Variants in SMYD3 observed in about 807,000 individuals in gnomAD.
SMYD3 encodes histone-lysine N-methyltransferase SMYD3.
Under a neutral mutation model 57.7 loss-of-function variants are expected in SMYD3, and 36 were observed. The observed-to-expected ratio is 0.62, with a 90% CI of 0.48 to 0.82. SMYD3 has a LOEUF of 0.82. Ranked by LOEUF, SMYD3 falls within the 40% of genes least tolerant of loss-of-function variation. SMYD3 has a pLI of 0.00. For synonymous variants in SMYD3, 211 were observed against 195.0 expected (o/e 1.08, Z -0.68); for missense variants, 515 against 538.8 (o/e 0.96, Z 0.44).
chr1:246,221,714 G>A (rs1003932590), intron 5 of SMYD3, among the ~76,000 whole-genome samples: 29 of 152,186 alleles, frequency 1.9e-4, no homozygotes, highest in Admixed American at 5.9e-4. Context: ...GTGTCTGACC[G>A]CACAGTGGGC....
intron 5 of SMYD3, among the ~76,000 whole-genome samples, chr1:245,985,211 G>A (rs943715626): frequency 6.6e-6 from 1 of 152,040 alleles, no homozygotes; most frequent in Non-Finnish European, 1.5e-5. Flanking sequence ...ACCTGTCCTT[G>A]GCTCTCGTCT....
chr1:246,205,923 A>G (rs1000593551), intron 5 of SMYD3, among the ~76,000 whole-genome samples: 2 of 152,146 alleles, frequency 1.3e-5, no homozygotes, highest in African/African-American at 4.8e-5. Context: ...TCATATGTAA[A>G]GTGGGGATCA....
intron 5 of SMYD3, among the ~76,000 whole-genome samples, chr1:246,112,054 C>G (rs983011704): frequency 1.3e-5 from 2 of 152,200 alleles, no homozygotes; most frequent in Non-Finnish European, 2.9e-5. Context: ...AAAGATTTCT[C>G]AAGAGCCACC....
chr1:246,137,477 G>A (rs1206705858), intron 5 of SMYD3, among the ~76,000 whole-genome samples: 6 of 152,144 alleles, frequency 3.9e-5, no homozygotes, highest in East Asian at 1.9e-4. Flanking sequence ...CACCTGATGC[G>A]ACATTTTTAC....
intron 5 of SMYD3, among the ~76,000 whole-genome samples, chr1:246,056,730 G>A (rs1250043152): frequency 6.6e-6 from 1 of 151,424 alleles, no homozygotes; most frequent in African/African-American, 2.4e-5. Context: ...TACATGTATC[G>A]AAATATCACT....
At chr1:246,302,245 A>C (rs945465170) in intron 5 of SMYD3, among the ~76,000 whole-genome samples, 2 of 152,180 alleles carry the variant, frequency 1.3e-5, no homozygotes, top group Non-Finnish European at 2.9e-5. Context: ...AAAGGCTATC[A>C]GAGAATCGAA....
intron 1 of SMYD3, among the ~76,000 whole-genome samples, chr1:246,487,963 G>T (rs1218324046): frequency 6.6e-6 from 1 of 152,092 alleles, no homozygotes; most frequent in Non-Finnish European, 1.5e-5. Context: ...CAAAGTGCTG[G>T]GATTACAGGT....
intron 10 of SMYD3, among the ~76,000 whole-genome samples, chr1:245,824,724 T>C (rs972579787): frequency 1.3e-5 from 2 of 151,964 alleles, no homozygotes; most frequent in African/African-American, 2.4e-5. Flanking sequence ...GGTGTGGTGG[T>C]GCATGCCTGT....
intron 1 of SMYD3, among the ~76,000 whole-genome samples, chr1:246,361,948 AAAAAAGAAAAAG>A (rs2065994920): frequency 2.0e-5 from 3 of 152,278 alleles, no homozygotes; most frequent in Admixed American, 2.0e-4. Flanking sequence ...TATTGAAATT[AAAAAAGAAAAAG>A]AATCTCAGAG....
At chr1:246,390,586 T>C (rs1173120978) in intron 1 of SMYD3, among the ~76,000 whole-genome samples, 4 of 152,260 alleles carry the variant, frequency 2.6e-5, no homozygotes. Flanking sequence ...GTCACATATA[T>C]AATTTTTAAT....
chr1:245,859,849 A>G (rs2051441272), intron 9 of SMYD3, among the ~76,000 whole-genome samples: 2 of 152,246 alleles, frequency 1.3e-5, no homozygotes, highest in African/African-American at 4.8e-5. Context: ...CCTGTCATTT[A>G]TCAGAGTTGA....
At chr1:245,805,729 A>G (rs1195448322) in intron 10 of SMYD3, among the ~76,000 whole-genome samples, 1 of 151,758 alleles carries the variant, frequency 6.6e-6, no homozygotes, top group Non-Finnish European at 1.5e-5. Context: ...CCAGGCAATC[A>G]AAAGAAAATT....
intron 5 of SMYD3, among the ~76,000 whole-genome samples, chr1:246,041,957 C>T (rs1196642074): frequency 6.6e-6 from 1 of 152,204 alleles, no homozygotes; most frequent in Non-Finnish European, 1.5e-5. Context: ...CTAACACTCT[C>T]CACCACAAAA....
At chr1:246,098,913 T>A (rs2060961916) in intron 5 of SMYD3, among the ~76,000 whole-genome samples, 1 of 152,214 alleles carries the variant, frequency 6.6e-6, no homozygotes, top group South Asian at 2.1e-4. Flanking sequence ...AACTAAAATG[T>A]CATTTGCCAA....
At chr1:246,447,511 G>C (rs2067566538) in intron 1 of SMYD3, among the ~76,000 whole-genome samples, 1 of 151,262 alleles carries the variant, frequency 6.6e-6, no homozygotes, top group African/African-American at 2.5e-5. Flanking sequence ...AAATACACGA[G>C]ACAGAAACTG....
intron 11 of SMYD3, among the ~76,000 whole-genome samples, chr1:245,756,851 T>C (rs1172091631): frequency 1.3e-5 from 2 of 151,760 alleles, no homozygotes; most frequent in Non-Finnish European, 2.9e-5. Flanking sequence ...ATCCACAGTC[T>C]TGGTGTGAAC....
At chr1:245,790,861 T>A (rs2047239105) in intron 10 of SMYD3, among the ~76,000 whole-genome samples, 1 of 152,210 alleles carries the variant, frequency 6.6e-6, no homozygotes, top group Non-Finnish European at 1.5e-5. Context: ...CATTTCCAGA[T>A]AAAATGATTT....
At position 245,854,253 on chromosome 1, in the gene SMYD3, G is replaced by A. The variant is rs927263729; in HGVS notation, c.1076+4243C>T. 4.6e-5 allele frequency among the ~76,000 whole-genome samples: 7 copies of A among 152,142 alleles called. No individual in the cohort carries two copies. In the South Asian group the frequency reaches 6.2e-4, roughly 14 times the overall value. On this transcript the variant is annotated intron_variant, in intron 10 of 11. Transcript: ENST00000490107. The stretch of plus-strand genomic sequence containing the variant: ...AGAGTGACATTTTAGTGTGTGTGGT[G>A]GGGGAGGTACAATTTGGAAATGGTT...
At chr1:245,970,158 C>G (rs1291933273) in intron 5 of SMYD3, among the ~76,000 whole-genome samples, 1 of 152,176 alleles carries the variant, frequency 6.6e-6, no homozygotes, top group Admixed American at 6.5e-5. Context: ...AATAATACCA[C>G]ACATCTACAA....
Sources: allele counts gnomAD v4.1 joint callset (sites outside exome capture counted in the v4.1 genomes callset), GRCh38; gene constraint gnomAD v4.1.1; transcripts MANE v1.5; gene names NCBI Gene and HGNC (gene_info 2026-07-23, HGNC 2026-07-21).